CLN6: variants seen among roughly 807,000 people sequenced by gnomAD.
The protein encoded by CLN6 is CLN6 transmembrane ER protein.
In CLN6, 22 loss-of-function variants were observed where a neutral mutation model predicts 33.3. The observed-to-expected ratio is 0.66, with a 90% CI of 0.47 to 0.94. CLN6 has a LOEUF of 0.94. CLN6 is among the 40% of genes least tolerant of loss of function. The pLI is 0.00. For synonymous variants in CLN6, 201 were observed against 174.6 expected (o/e 1.15, Z -1.19); for missense variants, 387 against 417.1 (o/e 0.93, Z 0.63).
chr15:68,220,126 T>C lies in CLN6; in HGVS notation c.84-1476A>G, dbSNP rs960807306. Among the ~76,000 whole-genome samples, 1 of 152,170 alleles carries C rather than the reference T, an allele frequency of 6.6e-6. No individual in the cohort carries two copies. The highest frequency in any genetic ancestry group is 2.4e-5 in the African/African-American group (1 of 41,440). Reference sequence around the variant, plus strand: ...AGTACCCCAGGACAGGGAGGCAAGCTCTTGGGAGAAATCTCATTTTCTAGT... The same window carrying C: ...AGTACCCCAGGACAGGGAGGCAAGCCCTTGGGAGAAATCTCATTTTCTAGT... On this transcript the variant is annotated intron_variant, in intron 1 of 6. Coordinates refer to ENST00000249806, the MANE Select transcript of CLN6 (RefSeq NM_017882.3). The surrounding 1 kb of genome is among the most constrained non-coding windows in gnomAD (Gnocchi z 4.2).
At chr15:68,217,752 G>T (rs1407237937) in intron 2 of CLN6, among the ~76,000 whole-genome samples, 1 of 152,126 alleles carries the variant, frequency 6.6e-6, no homozygotes, top group East Asian at 1.9e-4. Context: ...GGTGGGAGGG[G>T]TCTGGGGGCC....
Position 68,214,286 on chromosome 15 carries a change from G to A in CLN6, c.297+4C>T, listed in dbSNP as rs1030759897. The A allele has an allele frequency of 2.5e-6, 4 of 1,607,800 alleles. No homozygotes were observed. The highest frequency in any genetic ancestry group is 3.4e-6 in the Non-Finnish European group (4 of 1,174,254). ...AGGAGAGAGTGGGGGCCCTGGGACA[G>A]TACCTTGAGCAAGAGAAAGGGCGTG... is the stretch of plus-strand genomic sequence containing the variant. On this transcript the variant is annotated splice_donor_region_variant and intron_variant, in intron 3 of 6. Transcript: ENST00000249806.
intron 1 of CLN6, among the ~76,000 whole-genome samples, chr15:68,239,504 A>G (rs1048048549): frequency 6.6e-6 from 1 of 152,172 alleles, no homozygotes; most frequent in Admixed American, 6.5e-5. Context: ...AAAATAGACT[A>G]TAAGAGATAA....
At position 68,207,803 on chromosome 15, in the gene CLN6, A is replaced by C; in HGVS notation, c.*337T>G. 5.3e-6 allele frequency: 2 copies of C among 380,232 alleles called. No homozygotes were observed. The highest frequency in any genetic ancestry group is 1.0e-5 in the Non-Finnish European group (2 of 199,198). 23.6% of individuals were successfully genotyped at this position (380,232 alleles called of 1,614,324 possible). On this transcript the variant is annotated 3_prime_UTR_variant, in exon 7 of 7. Coordinates refer to ENST00000249806, the MANE Select transcript of CLN6 (RefSeq NM_017882.3). ...CACGGCTACCAGAAGATGTCCGGGA[A>C]GAACAGACTAGCCCTGAGTAGGGAG... is the stretch of plus-strand genomic sequence containing the variant.
chr15:68,224,452 T>C (rs1482779580), intron 1 of CLN6, among the ~76,000 whole-genome samples: 1 of 150,842 alleles, frequency 6.6e-6, no homozygotes, highest in East Asian at 2.0e-4. Context: ...CGAAACTCCG[T>C]CTCTACTAAA....
rs1314332340 is a variant in CLN6 at position 68,208,092 on chromosome 15, T to TGG, written c.*46_*47dup. ...TACTCCTGTATTCAGATGCCCTCCA[T>TGG]GGCCCACCCTCCCACCCAGCAGAGC... On this transcript the variant is annotated 3_prime_UTR_variant, in exon 7 of 7. Transcript: ENST00000249806. This position sits in a 1 kb window ranked among gnomAD's most constrained non-coding sequence, Gnocchi z 5.8. 7.5e-4 allele frequency: 1,099 copies of TGG among 1,469,146 alleles called. No homozygotes were observed. The highest frequency in any genetic ancestry group is 9.1e-4 in the Non-Finnish European group (974 of 1,072,306). 91.0% of individuals were successfully genotyped at this position (1,469,146 alleles called of 1,614,324 possible). A position where few individuals can be genotyped will look rare whatever the true frequency, so the allele number is the denominator to read the frequency against.
In CLN6 at chr15:68,220,216, G is replaced by A. The variant is rs935360010; in HGVS notation, c.84-1566C>T. ...CTAAGTCTTCCTGTCCCCTCTACTCGGTATCTTCCACCCCCTCACTGAACA... is the reference window on the plus strand; with the variant it reads ...CTAAGTCTTCCTGTCCCCTCTACTCAGTATCTTCCACCCCCTCACTGAACA... On this transcript the variant is annotated intron_variant, in intron 1 of 6. Transcript: ENST00000249806. This position sits in a 1 kb window ranked among gnomAD's most constrained non-coding sequence, Gnocchi z 4.2. Among the ~76,000 whole-genome samples, 22 of 152,088 alleles carry A rather than the reference G, an allele frequency of 1.4e-4. No homozygotes were observed. Among genetic ancestry groups the A allele is most frequent in the East Asian group, 7.7e-4 (4 of 5,184 alleles).
rs939391886 is a variant in CLN6 at position 68,226,073 on chromosome 15, A to C, written c.83+3429T>G. 5.3e-5 allele frequency among the ~76,000 whole-genome samples: 8 copies of C among 151,944 alleles called. No homozygotes were observed. In the East Asian group the frequency reaches 1.6e-3, roughly 30 times the overall value. ...GGTGGCTCAGGCCTGTAATCCCAGCACTTTGGGAGGCTGAGGCGGGTGAAT... is the reference window on the plus strand; with the variant it reads ...GGTGGCTCAGGCCTGTAATCCCAGCCCTTTGGGAGGCTGAGGCGGGTGAAT... On this transcript the variant is annotated intron_variant, in intron 1 of 6. Coordinates refer to ENST00000249806, the MANE Select transcript of CLN6 (RefSeq NM_017882.3).
chr15:68,211,526 C>G lies in CLN6; in HGVS notation c.486+149G>C. The G allele has an allele frequency of 6.3e-7, 1 of 1,592,590 alleles. No individual in the cohort carries two copies. Among genetic ancestry groups the G allele is most frequent in the Non-Finnish European group, 8.5e-7 (1 of 1,174,914 alleles). Reference sequence around the variant, plus strand: ...CACTTCCTAAGAACACTTGAGCATCCTAGCTTGGGGCAGGCGACAGTGCCC... The same window carrying G: ...CACTTCCTAAGAACACTTGAGCATCGTAGCTTGGGGCAGGCGACAGTGCCC... On this transcript the variant is annotated intron_variant, in intron 4 of 6. Coordinates refer to ENST00000249806, the MANE Select transcript of CLN6 (RefSeq NM_017882.3). The surrounding 1 kb of genome is among the most constrained non-coding windows in gnomAD (Gnocchi z 5.9).
intron 1 of CLN6, among the ~76,000 whole-genome samples, chr15:68,221,478 C>T (rs979010559): frequency 3.3e-5 from 5 of 151,912 alleles, no homozygotes; most frequent in South Asian, 2.1e-4. Context: ...GTGATCTGCC[C>T]GCCTCGGCCT....
At chr15:68,237,154 A>T in intron 1 of CLN6, among the ~76,000 whole-genome samples, 1 of 92,760 alleles carries the variant, frequency 1.1e-5, no homozygotes, top group South Asian at 4.5e-4. Flanking sequence ...ACAGAGCGAG[A>T]CTCCGTCTCA....
At chr15:68,233,970 C>T (rs1466471491), upstream of CLN6, among the ~76,000 whole-genome samples, 1 of 152,112 alleles carries the variant, frequency 6.6e-6, no homozygotes, top group East Asian at 1.9e-4. The surrounding 1 kb of genome is among the most constrained non-coding windows in gnomAD (Gnocchi z 4.3). Flanking sequence ...GAGAAGGTCC[C>T]CAGGTTGTGT....
In CLN6 at chr15:68,256,950, T is replaced by C; in HGVS notation, c.-82A>G. On this transcript the variant is annotated 5_prime_UTR_variant, in exon 1 of 7. Coordinates refer to the CLN6 transcript ENST00000538696. This position sits in a 1 kb window ranked among gnomAD's most constrained non-coding sequence, Gnocchi z 4.1. Reference sequence around the variant, plus strand: ...CACCGCGTCGTGGGGCAGGGTGTAGTGATGGTCACGCATCCCTTCCCTGGG... The same window carrying C: ...CACCGCGTCGTGGGGCAGGGTGTAGCGATGGTCACGCATCCCTTCCCTGGG... 4 of 599,124 alleles carry C rather than the reference T, an allele frequency of 6.7e-6. No homozygotes were observed. In the South Asian group the frequency reaches 7.8e-5, roughly 12 times the overall value. 37.1% of individuals were successfully genotyped at this position (599,124 alleles called of 1,614,324 possible). A position where few individuals can be genotyped will look rare whatever the true frequency, so the allele number is the denominator to read the frequency against.
Position 68,242,192 on chromosome 15 carries a change from A to G in CLN6, c.179+14498T>C, listed in dbSNP as rs546184388. ...AGGAAACTCAGTGATCTACAAGATA[A>G]TACAGAAAATCAATTCGGAATTTAT... is the stretch of plus-strand genomic sequence containing the variant. On this transcript the variant is annotated intron_variant, in intron 1 of 6. Transcript: ENST00000538696. The surrounding 1 kb of genome is among the most constrained non-coding windows in gnomAD (Gnocchi z 5.0). Among the ~76,000 whole-genome samples the G allele has an allele frequency of 9.2e-5, 14 of 152,322 alleles. No homozygotes were observed. Among genetic ancestry groups the G allele is most frequent in the African/African-American group, 3.4e-4 (14 of 41,580 alleles).
At chr15:68,249,118 A>G (rs1892353802) in intron 1 of CLN6, among the ~76,000 whole-genome samples, 1 of 152,248 alleles carries the variant, frequency 6.6e-6, no homozygotes, top group South Asian at 2.1e-4. Context: ...TCAAAGCTAC[A>G]ATGAAACATT....
Position 68,208,111 on chromosome 15 carries a change from G to T in CLN6, c.*29C>A, listed in dbSNP as rs962181991. 2 of 487,226 alleles carry T rather than the reference G, an allele frequency of 4.1e-6. No individual in the cohort carries two copies. Among genetic ancestry groups the T allele is most frequent in the Non-Finnish European group, 7.8e-6 (2 of 255,464 alleles). 30.2% of individuals were successfully genotyped at this position (487,226 alleles called of 1,614,324 possible). On this transcript the variant is annotated 3_prime_UTR_variant, in exon 7 of 7. Transcript: ENST00000249806. This position sits in a 1 kb window ranked among gnomAD's most constrained non-coding sequence, Gnocchi z 5.8. The stretch of plus-strand genomic sequence containing the variant: ...CCTCCATGGCCCACCCTCCCACCCA[G>T]CAGAGCGCCAGAGCCTGGTGCCAGG...
In CLN6 at chr15:68,229,448, G is replaced by C. The variant is rs2093262079; in HGVS notation, c.83+54C>G. 3.1e-5 allele frequency: 42 copies of C among 1,340,710 alleles called. No homozygotes were observed. In the South Asian group the frequency reaches 5.3e-4, roughly 17 times the overall value. The allele number at this position is 1,340,710 out of a possible 1,614,324, so 83.1% of individuals were successfully genotyped here. On this transcript the variant is annotated intron_variant, in intron 1 of 6. Transcript: ENST00000249806. ...CTAGGAGCGTCACGTGGCGGGTCCC[G>C]AGGCCCCAGCGCACAGGCGCCTAGC... is the stretch of plus-strand genomic sequence containing the variant.
At chr15:68,254,681 A>T (rs1595833123) in intron 1 of CLN6, 2 of 734,814 alleles carry the variant, frequency 2.7e-6, no homozygotes, top group African/African-American at 1.7e-5. Flanking sequence ...TAAAACCAAG[A>T]TGAAGGACAA....
Position 68,208,095 on chromosome 15 carries a change from C to CT in CLN6, c.*44_*45insA. The CT allele has an allele frequency of 1.9e-6, 1 of 527,244 alleles. No homozygotes were observed. The highest frequency in any genetic ancestry group is 1.5e-5 in the South Asian group (1 of 64,688). 32.7% of individuals were successfully genotyped at this position (527,244 alleles called of 1,614,324 possible). On this transcript the variant is annotated 3_prime_UTR_variant, in exon 7 of 7. Coordinates refer to ENST00000249806, the MANE Select transcript of CLN6 (RefSeq NM_017882.3). This position sits in a 1 kb window ranked among gnomAD's most constrained non-coding sequence, Gnocchi z 5.8. The stretch of plus-strand genomic sequence containing the variant: ...TCCTGTATTCAGATGCCCTCCATGG[C>CT]CCACCCTCCCACCCAGCAGAGCGCC...
Sources: allele counts gnomAD v4.1 joint callset (sites outside exome capture counted in the v4.1 genomes callset), GRCh38; gene constraint gnomAD v4.1.1; non-coding constraint Gnocchi (gnomAD v3.1); transcripts MANE v1.5; gene names NCBI Gene and HGNC (gene_info 2026-07-23, HGNC 2026-07-21).